SETBP1: variants seen among roughly 807,000 people sequenced by gnomAD.
SETBP1 encodes SET binding protein 1.
In SETBP1, 9 loss-of-function variants were observed where a neutral mutation model predicts 101.0. The observed-to-expected ratio is 0.09, with a 90% CI of 0.05 to 0.16. The LOEUF is 0.16. Among genes scored for constraint, SETBP1 ranks in the 10% least tolerant of loss-of-function variants. SETBP1 has a pLI of 1.00. For synonymous variants in SETBP1, 818 were observed against 788.5 expected (o/e 1.04, Z -0.63); for missense variants, 1,858 against 2,033.8 (o/e 0.91, Z 1.66).
intron 2 of SETBP1, among the ~76,000 whole-genome samples, chr18:44,822,558 G>A (rs2072134362): frequency 6.6e-6 from 1 of 152,206 alleles, no homozygotes; most frequent in Non-Finnish European, 1.5e-5. Flanking sequence ...TAGGGAAGAT[G>A]CGTAGATGAT....
chr18:44,823,872 G>T (rs2072172915), intron 2 of SETBP1, among the ~76,000 whole-genome samples: 1 of 152,136 alleles, frequency 6.6e-6, no homozygotes, highest in Admixed American at 6.5e-5. Flanking sequence ...GAGCAGTGAG[G>T]TTAAAACCAT....
At chr18:44,843,193 A>AG (rs1325375639) in intron 2 of SETBP1, among the ~76,000 whole-genome samples, 1 of 152,182 alleles carries the variant, frequency 6.6e-6, no homozygotes, top group East Asian at 1.9e-4. Flanking sequence ...ACACTGTGAG[A>AG]GGGGCATGGC....
chr18:44,741,961 G>T (rs1367174056), intron 2 of SETBP1, among the ~76,000 whole-genome samples: 1 of 152,120 alleles, frequency 6.6e-6, no homozygotes, highest in African/African-American at 2.4e-5. Flanking sequence ...TGTATTTCTG[G>T]CCTCTAAGGA....
At chr18:44,829,020 G>C (rs765133996) in intron 2 of SETBP1, among the ~76,000 whole-genome samples, 5 of 152,234 alleles carry the variant, frequency 3.3e-5, no homozygotes, top group Non-Finnish European at 7.3e-5. Context: ...AGTAGCTCAT[G>C]CTAAGACAAG....
chr18:44,700,639 A>G (rs2069099632), intron 1 of SETBP1, among the ~76,000 whole-genome samples: 1 of 152,188 alleles, frequency 6.6e-6, no homozygotes, highest in African/African-American at 2.4e-5. Context: ...ATAGTGAAAA[A>G]TGATAAAGGT....
At chr18:44,863,250 G>T (rs2069054323) in intron 2 of SETBP1, among the ~76,000 whole-genome samples, 1 of 152,046 alleles carries the variant, frequency 6.6e-6, no homozygotes, top group African/African-American at 2.4e-5. Flanking sequence ...AATTCTTCCT[G>T]CCTGTTTCAG....
At chr18:45,021,092 A>T (rs960626664) in intron 4 of SETBP1, among the ~76,000 whole-genome samples, 1 of 152,220 alleles carries the variant, frequency 6.6e-6, no homozygotes, top group Admixed American at 6.5e-5. Context: ...CTTCTTCAAT[A>T]TAGTTGCTCA....
intron 3 of SETBP1, among the ~76,000 whole-genome samples, chr18:44,908,616 G>C (rs1200632138): frequency 6.6e-6 from 1 of 152,070 alleles, no homozygotes; most frequent in East Asian, 1.9e-4. Flanking sequence ...TTTTAAAATT[G>C]GGAAGTGTGA....
chr18:45,059,451 G>C (rs943063392), intron 5 of SETBP1, among the ~76,000 whole-genome samples: 3 of 152,046 alleles, frequency 2.0e-5, no homozygotes, highest in African/African-American at 7.3e-5. Flanking sequence ...ATCCAAATAA[G>C]GTCCTTTATC....
chr18:44,860,180 G>A (rs968462773), intron 2 of SETBP1, among the ~76,000 whole-genome samples: 1 of 152,186 alleles, frequency 6.6e-6, no homozygotes, highest in African/African-American at 2.4e-5. Flanking sequence ...GAGAAGAAGA[G>A]GAAAGCGAGG....
chr18:44,945,011 T>C (rs1224651491), intron 3 of SETBP1, among the ~76,000 whole-genome samples: 1 of 152,198 alleles, frequency 6.6e-6, no homozygotes, highest in East Asian at 1.9e-4. Context: ...TTTATATTTT[T>C]TTTATACTTT....
At position 45,066,382 on chromosome 18, in the gene SETBP1, G is replaced by C. The variant is rs1374125781; in HGVS notation, c.*2684G>C. The C allele has an allele frequency of 6.6e-6, 1 of 152,196 alleles. No individual in the cohort carries two copies. The highest frequency in any genetic ancestry group is 2.4e-5 in the African/African-American group (1 of 41,436). The allele number at this position is 152,196 out of a possible 1,614,324, so 9.4% of individuals were successfully genotyped here. On this transcript the variant is annotated 3_prime_UTR_variant, in exon 6 of 6. Transcript: ENST00000649279. Reference sequence around the variant, plus strand: ...AACAGCTGCTTGGAGGTGGAAGCAAGTTCAGTCACCTACTCAGCTTCCTCT... The same window carrying C: ...AACAGCTGCTTGGAGGTGGAAGCAACTTCAGTCACCTACTCAGCTTCCTCT...
intron 2 of SETBP1, among the ~76,000 whole-genome samples, chr18:44,760,523 C>T (rs2070614459): frequency 6.6e-6 from 1 of 152,192 alleles, no homozygotes; most frequent in Non-Finnish European, 1.5e-5. Flanking sequence ...AAGCCCAGTG[C>T]ATTTTATTAC....
At chr18:44,836,123 T>TC (rs981458853) in intron 2 of SETBP1, among the ~76,000 whole-genome samples, 1 of 151,724 alleles carries the variant, frequency 6.6e-6, no homozygotes, top group African/African-American at 2.4e-5. Context: ...TATAAGCTTT[T>TC]TTTTTTTTAT....
In SETBP1 at chr18:44,788,858, C is replaced by T. The variant is rs570528555; in HGVS notation, c.487-80372C>T. 2.3e-4 allele frequency among the ~76,000 whole-genome samples: 30 copies of T among 129,594 alleles called. No homozygotes were observed. In the South Asian group the frequency reaches 5.7e-3, roughly 25 times the overall value. 85.0% of individuals were successfully genotyped at this position (129,594 alleles called of 152,430 possible). A position where few individuals can be genotyped will look rare whatever the true frequency, so the allele number is the denominator to read the frequency against. On this transcript the variant is annotated intron_variant, in intron 2 of 5. Coordinates refer to ENST00000649279, the MANE Select transcript of SETBP1 (RefSeq NM_015559.3). ...TGTCACCCAGGCTAGAGTGAACTGGCGTGATCATTGCTTACTGCAGCCTCG... is the reference window on the plus strand; with the variant it reads ...TGTCACCCAGGCTAGAGTGAACTGGTGTGATCATTGCTTACTGCAGCCTCG...
chr18:45,049,820 T>C (rs1442324220), intron 5 of SETBP1, among the ~76,000 whole-genome samples: 1 of 152,064 alleles, frequency 6.6e-6, no homozygotes, highest in Admixed American at 6.6e-5. Context: ...ATTTAGGGGG[T>C]TGGAAAAGGC....
At chr18:44,690,324 T>G (rs557915261) in intron 1 of SETBP1, among the ~76,000 whole-genome samples, 1 of 152,354 alleles carries the variant, frequency 6.6e-6, no homozygotes, top group East Asian at 1.9e-4. Flanking sequence ...GCTTAGCATC[T>G]CCTTTGCAGC....
chr18:44,906,883 A>G (rs2070188343), intron 3 of SETBP1, among the ~76,000 whole-genome samples: 1 of 152,230 alleles, frequency 6.6e-6, no homozygotes, highest in African/African-American at 2.4e-5. Flanking sequence ...ACTACATGCC[A>G]TAATATTCAT....
intron 3 of SETBP1, among the ~76,000 whole-genome samples, chr18:44,931,632 G>T (rs1022134190): frequency 7.2e-5 from 11 of 152,116 alleles, no homozygotes; most frequent in African/African-American, 2.7e-4. Flanking sequence ...CCTGTATTGG[G>T]TGCATATATA....
Sources: allele counts gnomAD v4.1 joint callset (sites outside exome capture counted in the v4.1 genomes callset), GRCh38; gene constraint gnomAD v4.1.1; transcripts MANE v1.5; gene names NCBI Gene and HGNC (gene_info 2026-07-23, HGNC 2026-07-21).